The following RBM25 variants were observed in gnomAD, a reference collection of about 807,000 sequenced individuals.
RBM25 encodes the protein RNA binding motif protein 25, also known as RNA-binding protein 25.
A neutral mutation model predicts 120.7 loss-of-function variants in RBM25; 19 were observed. That is an observed-to-expected ratio of 0.16 (90% CI 0.11 to 0.23). The LOEUF (loss-of-function observed/expected upper bound fraction) is 0.23. RBM25 is among the 10% of genes least tolerant of loss of function. The pLI is 1.00. For synonymous variants in RBM25, 390 were observed against 326.7 expected (o/e 1.19, Z -2.09); for missense variants, 605 against 1,041.5 (o/e 0.58, Z 5.77).
intron 1 of RBM25, among the ~76,000 whole-genome samples, chr14:73,061,806 T>C (rs984859973): frequency 6.6e-6 from 1 of 151,332 alleles, no homozygotes; most frequent in African/African-American, 2.4e-5. Flanking sequence ...GCTCAAAGGA[T>C]CCACCTGCCT....
chr14:73,114,534 T>G (rs1896382058), intron 18 of RBM25, among the ~76,000 whole-genome samples: 1 of 152,126 alleles, frequency 6.6e-6, no homozygotes, highest in Non-Finnish European at 1.5e-5. Flanking sequence ...AAATGCACTA[T>G]TATTAATATT....
At chr14:73,069,631 C>T (rs1296211358) in intron 1 of RBM25, among the ~76,000 whole-genome samples, 11 of 151,386 alleles carry the variant, frequency 7.3e-5, no homozygotes, top group Admixed American at 7.3e-4. Context: ...TGGGGTTTCT[C>T]CATGTTAGCT....
chr14:73,102,094 T>C (rs1041793221), intron 9 of RBM25: 1 of 152,244 alleles, frequency 6.6e-6, no homozygotes, highest in Admixed American at 6.5e-5. Context: ...AAGATTGCTT[T>C]TTAAAGTTGT....
At chr14:73,119,241 C>T (rs1594941043) in intron 18 of RBM25, among the ~76,000 whole-genome samples, 1 of 152,100 alleles carries the variant, frequency 6.6e-6, no homozygotes, top group Non-Finnish European at 1.5e-5. Flanking sequence ...TCTCATGTAT[C>T]CCCTCAAAAC....
At position 73,123,762 on chromosome 14, in the gene RBM25, A is replaced by G. The variant is rs895927480; in HGVS notation, c.*3957A>G. The G allele has an allele frequency of 2.0e-5, 3 of 152,262 alleles. No individual in the cohort carries two copies. The highest frequency in any genetic ancestry group is 4.8e-5 in the African/African-American group (2 of 41,474). 9.4% of individuals were successfully genotyped at this position (152,262 alleles called of 1,614,324 possible). A position where few individuals can be genotyped will look rare whatever the true frequency, so the allele number is the denominator to read the frequency against. ...TTGAATGCTTACATTTTTAATTGAC[A>G]GAATCTTTGCATTTCATTACTTGAG... On this transcript the variant is annotated 3_prime_UTR_variant, in exon 19 of 19. Coordinates refer to ENST00000261973, the MANE Select transcript of RBM25 (RefSeq NM_021239.3).
chr14:73,082,996 C>T (rs991447262), intron 4 of RBM25, among the ~76,000 whole-genome samples: 3 of 152,126 alleles, frequency 2.0e-5, no homozygotes, highest in African/African-American at 7.2e-5. Flanking sequence ...AGAAGAATCG[C>T]TTGAATCTGG....
intron 2 of RBM25, among the ~76,000 whole-genome samples, chr14:73,073,097 A>T (rs572424621): frequency 3.3e-5 from 5 of 152,124 alleles, no homozygotes; most frequent in Non-Finnish European, 5.9e-5. Flanking sequence ...AAATTTTTTT[A>T]AAAAACATTT....
At chr14:73,088,700 A>G (rs1188122277) in intron 6 of RBM25, among the ~76,000 whole-genome samples, 1 of 152,202 alleles carries the variant, frequency 6.6e-6, no homozygotes, top group African/African-American at 2.4e-5. Context: ...AAACTTGAGT[A>G]TATATTTCCT....
chr14:73,099,870 A>C, intron 9 of RBM25, 120 bp downstream of exon 9: 1 of 1,331,244 alleles, frequency 7.5e-7, no homozygotes, highest in Non-Finnish European at 9.7e-7. Context: ...TATAGGTTTA[A>C]TTGATATTTA....
chr14:73,109,514 T>C (rs751750937), intron 14 of RBM25, 22 bp downstream of exon 14: 1 of 1,600,330 alleles, frequency 6.2e-7, no homozygotes, highest in Admixed American at 1.7e-5. Context: ...TACCATCTGG[T>C]CGGGCGCGGT....
At chr14:73,098,301 TG>T in intron 7 of RBM25, among the ~76,000 whole-genome samples, 1 of 152,118 alleles carries the variant, frequency 6.6e-6, no homozygotes. Flanking sequence ...AGCTAATTTT[TG>T]TATTTTTTGT....
chr14:73,071,710 C>T lies in RBM25; in HGVS notation c.69C>T (p.Pro23=), dbSNP rs143160976. The T allele has an allele frequency of 4.3e-6, 7 of 1,614,076 alleles. No homozygotes were observed. In the African/African-American group the frequency reaches 8.0e-5, roughly 18 times the overall value. The change falls in exon 2 of 19, where the codon CCC becomes CCT. Residue 23 remains proline (P), a synonymous_variant. Transcript: ENST00000261973. Reference sequence around the variant, plus strand: ...CAGCACTCCCACCAGGGATCCCACCCCCGCAGTTTCCAGGATTTCCTCCAC... The same window carrying T: ...CAGCACTCCCACCAGGGATCCCACCTCCGCAGTTTCCAGGATTTCCTCCAC... ...GIPALPPGIP[P]PQFPGFPPPV...
At chr14:73,087,237 A>C (rs56881009) in intron 5 of RBM25, among the ~76,000 whole-genome samples, 7,467 of 152,246 alleles carry the variant, frequency 0.049, 386 homozygotes, top group Admixed American at 0.14. Context: ...TATAAAAGGA[A>C]ATAGATGTAA....
At chr14:73,088,845 T>C (rs1367957081) in intron 6 of RBM25, among the ~76,000 whole-genome samples, 1 of 152,180 alleles carries the variant, frequency 6.6e-6, no homozygotes, top group African/African-American at 2.4e-5. Flanking sequence ...TCTTTCAAAA[T>C]AGAAATCGCT....
chr14:73,098,371 C>A (rs1594923770), intron 7 of RBM25, among the ~76,000 whole-genome samples: 1 of 152,292 alleles, frequency 6.6e-6, no homozygotes, highest in African/African-American at 2.4e-5. Flanking sequence ...CTCAAATGAT[C>A]TGCCTGCCTC....
chr14:73,104,606 A>G (rs913683715), intron 10 of RBM25, among the ~76,000 whole-genome samples: 2 of 152,026 alleles, frequency 1.3e-5, no homozygotes, highest in Non-Finnish European at 2.9e-5. Flanking sequence ...AGCTCAGGTA[A>G]TCTGCCTGCC....
chr14:73,100,208 A>G (rs1192021296), intron 9 of RBM25: 4 of 592,480 alleles, frequency 6.8e-6, no homozygotes, highest in Non-Finnish European at 9.2e-6. Flanking sequence ...ACAGTAGGTC[A>G]GTGGTTACCA....
At chr14:73,067,221 C>T (rs901631119) in intron 1 of RBM25, among the ~76,000 whole-genome samples, 1 of 151,810 alleles carries the variant, frequency 6.6e-6, no homozygotes, top group African/African-American at 2.4e-5. Flanking sequence ...AGGCACCTGC[C>T]ATCACACCCA....
At position 73,103,086 on chromosome 14, in the gene RBM25, A is replaced by G. The variant is rs1896086044; in HGVS notation, c.868-106A>G. On this transcript the variant is annotated intron_variant, in intron 9 of 18. Coordinates refer to ENST00000261973, the MANE Select transcript of RBM25 (RefSeq NM_021239.3). ...AACCACAAGTATTTAATATTAATGT[A>G]TCAGTGGTTTGGTGTTTTTGTTCCC... is the stretch of plus-strand genomic sequence containing the variant. 8.6e-6 allele frequency: 13 copies of G among 1,519,012 alleles called. No individual in the cohort carries two copies. In the South Asian group the frequency reaches 1.4e-4, roughly 16 times the overall value. 94.1% of individuals were successfully genotyped at this position (1,519,012 alleles called of 1,614,324 possible).
Sources: gnomAD v4.1 joint callset for allele counts (sites outside exome capture counted in the v4.1 genomes callset) on GRCh38, gnomAD v4.1.1 for gene constraint, MANE v1.5 for transcripts, NCBI Gene and HGNC (gene_info 2026-07-23, HGNC 2026-07-21) for gene names.